KRIT1: variants seen among roughly 807,000 people sequenced by gnomAD.
KRIT1 encodes krev interaction trapped protein 1.
Under a neutral mutation model 95.8 loss-of-function variants are expected in KRIT1, and 45 were observed. The ratio of observed to expected loss-of-function variants is 0.47; its 90% confidence interval spans 0.37 to 0.60. The LOEUF is 0.60. KRIT1 is among the 20% of genes least tolerant of loss of function. The pLI, the probability that KRIT1 is intolerant of heterozygous loss-of-function variation, is 0.00. For synonymous variants in KRIT1, 282 were observed against 278.8 expected, an observed-to-expected ratio of 1.01 and a Z score of -0.11; for missense variants, 788 against 877.5, an observed-to-expected ratio of 0.90 and a Z score of 1.29.
chr7:92,204,484 G>A (rs965989788), intron 17 of KRIT1, among the ~76,000 whole-genome samples: 1 of 151,658 alleles, frequency 6.6e-6, no homozygotes, highest in Non-Finnish European at 1.5e-5. Flanking sequence ...AATATGTAAC[G>A]AAATAATTAT....
At chr7:92,235,364 C>T (rs766609977) in intron 8 of KRIT1, 39 bp downstream of exon 8, 5 of 1,600,678 alleles carry the variant, frequency 3.1e-6, no homozygotes, top group East Asian at 2.2e-5. Context: ...TGAGATAAAA[C>T]GTCTTTTAAA....
chr7:92,241,984 T>C (rs1239070119), intron 4 of KRIT1, 50 bp downstream of exon 4: 1 of 984,608 alleles, frequency 1.0e-6, no homozygotes, highest in South Asian at 1.3e-5. Flanking sequence ...TGAATGATAA[T>C]ACAGAATGAC....
intron 8 of KRIT1, 21 bp from the exon 9 acceptor site, chr7:92,234,944 C>T (rs774233562): frequency 1.9e-5 from 21 of 1,092,066 alleles, no homozygotes; most frequent in Non-Finnish European, 2.8e-5. Context: ...AAAACAATAA[C>T]AAAAACCCAT....
chr7:92,230,296 G>C (rs2131583517), intron 10 of KRIT1, among the ~76,000 whole-genome samples: 1 of 152,080 alleles, frequency 6.6e-6, no homozygotes, highest in Non-Finnish European at 1.5e-5. Flanking sequence ...AATCTTAGTA[G>C]TACTACTACT....
chr7:92,204,565 G>T (rs925000636), intron 17 of KRIT1, among the ~76,000 whole-genome samples: 3 of 151,844 alleles, frequency 2.0e-5, no homozygotes, highest in African/African-American at 7.3e-5. Context: ...GTCCCATCTG[G>T]GGGTGATGGG....
chr7:92,223,442 C>CAAAA (rs976391928), intron 12 of KRIT1, among the ~76,000 whole-genome samples: 2 of 58,062 alleles, frequency 3.4e-5, no homozygotes, highest in Admixed American at 4.1e-4. Flanking sequence ...GACTCCATCT[C>CAAAA]AAAAAAAAAA....
intron 10 of KRIT1, among the ~76,000 whole-genome samples, chr7:92,228,320 T>G (rs533120159): frequency 6.6e-6 from 1 of 152,300 alleles, no homozygotes; most frequent in African/African-American, 2.4e-5. Context: ...AAGGCTGCAC[T>G]CTGAAGCAAG....
rs377655429 is a variant in KRIT1 at position 92,211,541 on chromosome 7, A to G, written c.2025+1654T>C. The stretch of plus-strand genomic sequence containing the variant: ...GTAGGGTAGGAATAAGGAGAGGGTC[A>G]GTTAACGGGTACAAACATACAGTTA... On this transcript the variant is annotated intron_variant, in intron 17 of 18. Transcript: ENST00000394505. Among the ~76,000 whole-genome samples the G allele has an allele frequency of 2.6e-5, 4 of 152,276 alleles. 1 individual carries two copies.
At position 92,239,398 on chromosome 7, in the gene KRIT1, G is replaced by A. The variant is rs1020846630; in HGVS notation, c.262+1595C>T. Among the ~76,000 whole-genome samples the A allele has an allele frequency of 2.7e-4, 41 of 152,260 alleles. 1 individual carries two copies. The highest frequency in any genetic ancestry group is 2.1e-4 in the South Asian group (1 of 4,830). ...TCAAATATGTGATTTAGGCTAATTAGATTTCTGTCTCAGGGATTTGGTGTC... is the reference window on the plus strand; with the variant it reads ...TCAAATATGTGATTTAGGCTAATTAAATTTCTGTCTCAGGGATTTGGTGTC... On this transcript the variant is annotated intron_variant, in intron 5 of 18. Transcript: ENST00000394505.
At chr7:92,220,688 CTTTTTTTT>C (rs960417752) in intron 14 of KRIT1, among the ~76,000 whole-genome samples, 4 of 98,956 alleles carry the variant, frequency 4.0e-5, no homozygotes, top group Non-Finnish European at 7.5e-5. Flanking sequence ...ATTCATCCTT[CTTTTTTTT>C]TTTTTTTTTT....
chr7:92,227,319 C>T (rs1174385337), intron 10 of KRIT1, among the ~76,000 whole-genome samples: 1 of 152,170 alleles, frequency 6.6e-6, no homozygotes, highest in Non-Finnish European at 1.5e-5. Flanking sequence ...AATCCCAGCA[C>T]TTTGGGAGGC....
chr7:92,202,342 G>C (rs1790370033), intron 17 of KRIT1: 1 of 152,054 alleles, frequency 6.6e-6, no homozygotes, highest in Admixed American at 6.6e-5. Context: ...GCCAACAACA[G>C]AACTATTTAT....
chr7:92,200,753 T>C lies in KRIT1; in HGVS notation c.2194A>G (p.Thr732Ala), dbSNP rs376944245. 1.2e-6 allele frequency: 2 copies of C among 1,605,444 alleles called. No individual in the cohort carries two copies. Among genetic ancestry groups the C allele is most frequent in the Non-Finnish European group, 1.7e-6 (2 of 1,172,090 alleles). The change falls in exon 19 of 19, where the codon ACT becomes GCT. Residue 732 changes from threonine to alanine, a missense_variant. Thr to Ala is a moderately conservative substitution (Grantham distance 58). Coordinates refer to ENST00000394505, the MANE Select transcript of KRIT1 (RefSeq NM_194454.3). ...LMKLNGQLMP[T>A]ERNS Reference sequence around the variant, plus strand: ...CTTCTCTTTCATGAATTTCTTTCAGTGGGCATTAACTGTCCATTTAGCTTC... The same window carrying C: ...CTTCTCTTTCATGAATTTCTTTCAGCGGGCATTAACTGTCCATTTAGCTTC...
In KRIT1 at chr7:92,237,654, A is replaced by G; in HGVS notation, c.355+13T>C. On this transcript the variant is annotated intron_variant, in intron 6 of 18. Coordinates refer to ENST00000394505, the MANE Select transcript of KRIT1 (RefSeq NM_194454.3). Reference sequence around the variant, plus strand: ...AAGTATATAAAGATTTGTAAGATACATTTAGACTTTACCTTTGACAACTGA... The same window carrying G: ...AAGTATATAAAGATTTGTAAGATACGTTTAGACTTTACCTTTGACAACTGA... The G allele has an allele frequency of 6.7e-7, 1 of 1,487,208 alleles. No homozygotes were observed. The highest frequency in any genetic ancestry group is 9.4e-7 in the Non-Finnish European group (1 of 1,064,478). 92.1% of individuals were successfully genotyped at this position (1,487,208 alleles called of 1,614,324 possible). A position where few individuals can be genotyped will look rare whatever the true frequency, so the allele number is the denominator to read the frequency against.
chr7:92,229,832 A>G (rs954329292), intron 10 of KRIT1, among the ~76,000 whole-genome samples: 2 of 152,308 alleles, frequency 1.3e-5, no homozygotes, highest in East Asian at 3.9e-4. Flanking sequence ...TATATTCTCC[A>G]AAGTGCCCTA....
At chr7:92,225,060 G>A (rs1045433229) in intron 12 of KRIT1, among the ~76,000 whole-genome samples, 1 of 152,042 alleles carries the variant, frequency 6.6e-6, no homozygotes, top group Non-Finnish European at 1.5e-5. Flanking sequence ...GGGAGGCTGA[G>A]GATAACTGCT....
At chr7:92,229,112 G>C (rs1181998371) in intron 10 of KRIT1, among the ~76,000 whole-genome samples, 1 of 152,162 alleles carries the variant, frequency 6.6e-6, no homozygotes, top group African/African-American at 2.4e-5. Context: ...ACACAGTAAT[G>C]GGATTGCTAG....
rs1457794799 is a variant in KRIT1, at chr7:92,245,819, C to T, written c.-450G>A. ...TCTTTACTGTCCTTCCCTCTCCTCG[C>T]ACCTCAGCACCATTCACCCCTCACC... On this transcript the variant is annotated 5_prime_UTR_variant, in exon 1 of 19. Coordinates refer to ENST00000394505, the MANE Select transcript of KRIT1 (RefSeq NM_194454.3). 3.0e-5 allele frequency: 5 copies of T among 168,698 alleles called. No individual in the cohort carries two copies. Among genetic ancestry groups the T allele is most frequent in the African/African-American group, 1.2e-4 (5 of 41,516 alleles). 10.5% of individuals were successfully genotyped at this position (168,698 alleles called of 1,614,324 possible).
intron 17 of KRIT1, among the ~76,000 whole-genome samples, chr7:92,208,606 C>T (rs955518020): frequency 1.3e-5 from 2 of 151,746 alleles, no homozygotes; most frequent in Non-Finnish European, 2.9e-5. Flanking sequence ...AATTGGAAAA[C>T]CTAGAGGAAA....
Sources: gnomAD v4.1 joint callset for allele counts (sites outside exome capture counted in the v4.1 genomes callset) on GRCh38, gnomAD v4.1.1 for gene constraint, MANE v1.5 for transcripts, NCBI Gene and HGNC (gene_info 2026-07-23, HGNC 2026-07-21) for gene names.